OTOG: variants seen among roughly 807,000 people sequenced by gnomAD.
The protein encoded by OTOG is otogelin.
A neutral mutation model predicts 313.8 loss-of-function variants in OTOG; 296 were observed. The observed-to-expected ratio is 0.94, with a 90% CI of 0.86 to 1.04. The LOEUF (loss-of-function observed/expected upper bound fraction) is 1.04, where lower values mean the gene tolerates loss of function less well. Ranked by LOEUF, OTOG falls within the 50% of genes least tolerant of loss-of-function variation. The pLI, the probability that OTOG is intolerant of heterozygous loss-of-function variation, is 0.00. For synonymous variants in OTOG, 1,533 were observed against 1,554.9 expected, an observed-to-expected ratio of 0.99 and a Z score of 0.33; for missense variants, 3,948 against 3,840.1, an observed-to-expected ratio of 1.03 and a Z score of -0.74.
intron 33 of OTOG, among the ~76,000 whole-genome samples, chr11:17,607,899 C>T (rs957425453): frequency 2.6e-5 from 4 of 152,152 alleles, no homozygotes; most frequent in Non-Finnish European, 4.4e-5. Context: ...TCCTGGGATG[C>T]AGGGCAAGCC....
intron 15 of OTOG, among the ~76,000 whole-genome samples, chr11:17,566,458 A>G (rs1268397294): frequency 6.6e-6 from 1 of 152,220 alleles, no homozygotes; most frequent in Non-Finnish European, 1.5e-5. Flanking sequence ...ATGCATATCC[A>G]TGTTTATCTT....
At chr11:17,594,388 A>G (rs2134062560) in intron 28 of OTOG, among the ~76,000 whole-genome samples, 1 of 152,286 alleles carries the variant, frequency 6.6e-6, no homozygotes, top group East Asian at 1.9e-4. Flanking sequence ...ACCCTGGACC[A>G]AGCCCTGGTA....
At chr11:17,585,320 C>T (rs1312611046) in intron 23 of OTOG, among the ~76,000 whole-genome samples, 1 of 152,172 alleles carries the variant, frequency 6.6e-6, no homozygotes, top group Non-Finnish European at 1.5e-5. Flanking sequence ...TCCTTATTTT[C>T]CTTTTACTAT....
chr11:17,555,790 C>T lies in OTOG; in HGVS notation c.552C>T (p.Asp184=). ...AACTCCCTACTCAGGTACACAATGA[C>T]CCGCAGTGTGGCTCTTCACCCTACA... The part of the protein sequence containing the change: ...GQSFSIQVHN[D]PQCGSSPYTC... The change falls in exon 7 of 56, where the codon GAC becomes GAT. Residue 184 remains aspartate, a synonymous_variant. Coordinates refer to ENST00000399397, the MANE Select transcript of OTOG (RefSeq NM_001292063.2). 1 of 1,550,308 alleles carries T rather than the reference C, an allele frequency of 6.5e-7. No individual in the cohort carries two copies. Among genetic ancestry groups the T allele is most frequent in the Non-Finnish European group, 8.7e-7 (1 of 1,146,934 alleles).
intron 15 of OTOG, among the ~76,000 whole-genome samples, chr11:17,562,046 A>AAAAATATAT (rs1440986349): frequency 7.2e-6 from 1 of 139,840 alleles, no homozygotes; most frequent in Non-Finnish European, 1.5e-5. Context: ...CTAAAAAAAA[A>AAAAATATAT]ATATATATAT....
At chr11:17,550,452 G>A (rs1851908435) in intron 3 of OTOG, among the ~76,000 whole-genome samples, 1 of 152,126 alleles carries the variant, frequency 6.6e-6, no homozygotes, top group Non-Finnish European at 1.5e-5. Flanking sequence ...ATTATCTAAG[G>A]GGTTCGTGGC....
chr11:17,559,887 AGAGAGGGAGGGAG>A (rs1257604212), intron 12 of OTOG, among the ~76,000 whole-genome samples: 3 of 106,306 alleles, frequency 2.8e-5, no homozygotes, highest in African/African-American at 1.7e-4. Context: ...GAAGGAAGGG[AGAGAGGGAGGGAG>A]GGAGGAAGGA....
In OTOG at chr11:17,578,437, G is replaced by T; in HGVS notation, c.2670G>T (p.Leu890=). 6.5e-7 allele frequency: 1 copy of T among 1,541,696 alleles called. No individual in the cohort carries two copies. Among genetic ancestry groups the T allele is most frequent in the Non-Finnish European group, 8.7e-7 (1 of 1,146,906 alleles). ...GCGACCTGCACACGGACCTGGAGCT[G>T]AGCAGGGAGAGGACGTGTGAGCAGC... is the stretch of plus-strand genomic sequence containing the variant. ...NCSDLHTDLE[L]SRERTCEQQL... Residue 890 remains leucine (L), a synonymous_variant, in exon 23 of 56, where the codon CTG becomes CTT. Transcript: ENST00000399397.
At chr11:17,613,573 C>A in intron 38 of OTOG, 39 bp from the exon 39 acceptor site, 1 of 1,511,238 alleles carries the variant, frequency 6.6e-7, no homozygotes, top group Non-Finnish European at 9.0e-7. Flanking sequence ...GGACAGAGGA[C>A]AGGGCTCCAA....
chr11:17,639,395 GT>G, intron 48 of OTOG, 27 bp from the exon 49 acceptor site: 1 of 1,550,532 alleles, frequency 6.4e-7, no homozygotes, highest in Non-Finnish European at 8.7e-7. Context: ...CCCTGATGAA[GT>G]GGGGCCTGGC....
At chr11:17,601,293 G>A (rs958414072) in intron 31 of OTOG, among the ~76,000 whole-genome samples, 1 of 152,162 alleles carries the variant, frequency 6.6e-6, no homozygotes, top group Non-Finnish European at 1.5e-5. Flanking sequence ...AGAGGGTGCA[G>A]GGAGAGCTTC....
chr11:17,635,817 G>A, intron 47 of OTOG, 106 bp downstream of exon 47: 1 of 918,962 alleles, frequency 1.1e-6, no homozygotes, highest in East Asian at 2.7e-5. Context: ...AGCGCCCCCA[G>A]GTGGTGAGCT....
chr11:17,554,644 T>C (rs1852014999), intron 6 of OTOG, among the ~76,000 whole-genome samples: 1 of 152,220 alleles, frequency 6.6e-6, no homozygotes, highest in Non-Finnish European at 1.5e-5. Context: ...TCTGTCTCAG[T>C]CATGGACCTA....
At chr11:17,625,367 G>A (rs560456410) in intron 39 of OTOG, among the ~76,000 whole-genome samples, 9 of 152,210 alleles carry the variant, frequency 5.9e-5, no homozygotes, top group East Asian at 1.9e-4. Flanking sequence ...AATATGAAGC[G>A]GTGTTGAGTT....
Position 17,559,050 on chromosome 11 carries a change from A to G in OTOG, c.1104-2A>G. The G allele has an allele frequency of 3.2e-6, 5 of 1,548,094 alleles. No homozygotes were observed. The highest frequency in any genetic ancestry group is 1.2e-5 in the South Asian group (1 of 84,022). On this transcript the variant is annotated splice_acceptor_variant, in intron 10 of 55. Transcript: ENST00000399397. LOFTEE classifies it high-confidence loss of function. The stretch of plus-strand genomic sequence containing the variant: ...AGTGTGACCCTTGGTTTCTCTGCAC[A>G]GATCAATGGGTGATGTAGCCACCTG...
intron 46 of OTOG, 64 bp downstream of exon 46, chr11:17,635,251 G>A: frequency 1.5e-6 from 2 of 1,334,850 alleles, no homozygotes; most frequent in South Asian, 1.3e-5. Context: ...CCTCACCCCT[G>A]TGTCCTTGGG....
chr11:17,555,604 T>C, intron 6 of OTOG, 175 bp from the exon 7 acceptor site: 1 of 566,406 alleles, frequency 1.8e-6, no homozygotes. Flanking sequence ...TTCACCTCTC[T>C]GTGAATCCAT....
intron 20 of OTOG, among the ~76,000 whole-genome samples, chr11:17,576,003 G>A (rs1397039165): frequency 6.6e-6 from 1 of 152,170 alleles, no homozygotes; most frequent in South Asian, 2.1e-4. Context: ...CTGCACAAAA[G>A]AAGAAAGACA....
chr11:17,594,292 C>T, intron 28 of OTOG, 126 bp downstream of exon 28: 3 of 1,223,556 alleles, frequency 2.5e-6, no homozygotes, highest in East Asian at 5.1e-5. Context: ...TTCTCTCAGC[C>T]TCTGACTGCA....
Sources: gnomAD v4.1 joint callset for allele counts (sites outside exome capture counted in the v4.1 genomes callset) on GRCh38, gnomAD v4.1.1 for gene constraint, MANE v1.5 for transcripts, NCBI Gene and HGNC (gene_info 2026-07-23, HGNC 2026-07-21) for gene names.